The following PDE5A variants were observed in gnomAD, a reference collection of about 807,000 sequenced individuals.
The protein encoded by PDE5A is cGMP-specific 3',5'-cyclic phosphodiesterase.
A neutral mutation model predicts 110.2 loss-of-function variants in PDE5A; 67 were observed. That is an observed-to-expected ratio of 0.61 (90% CI 0.50 to 0.75). PDE5A has a LOEUF of 0.75. Among genes scored for constraint, PDE5A ranks in the 30% least tolerant of loss-of-function variants. PDE5A has a pLI of 0.00. For missense variants in PDE5A, 862 were observed against 1,045.1 expected (o/e 0.82, Z 2.42); for synonymous variants, 328 against 351.2 (o/e 0.93, Z 0.74).
At chr4:119,534,021 A>G (rs1014275581) in intron 11 of PDE5A, among the ~76,000 whole-genome samples, 1 of 152,180 alleles carries the variant, frequency 6.6e-6, no homozygotes, top group South Asian at 2.1e-4. Context: ...TAGTAAAATC[A>G]AATCAAAACA....
chr4:119,501,149 T>C, intron 20 of PDE5A, 21 bp downstream of exon 20: 3 of 1,431,092 alleles, frequency 2.1e-6, no homozygotes, highest in Non-Finnish European at 3.0e-6. Context: ...TTAGCAAGTC[T>C]AGTAGTTTTC....
At chr4:119,567,345 T>C (rs1347860239) in intron 3 of PDE5A, among the ~76,000 whole-genome samples, 3 of 152,184 alleles carry the variant, frequency 2.0e-5, no homozygotes, top group Non-Finnish European at 4.4e-5. Flanking sequence ...AGAATTCGAA[T>C]GTTTTTAATT....
chr4:119,517,115 G>A (rs928835561), intron 14 of PDE5A: 1 of 152,146 alleles, frequency 6.6e-6, no homozygotes, highest in African/African-American at 2.4e-5. Context: ...GGTAATTTCA[G>A]GGTAATTTTC....
intron 1 of PDE5A, among the ~76,000 whole-genome samples, chr4:119,622,173 CAAAA>C (rs11334790): frequency 1.5e-5 from 2 of 135,848 alleles, no homozygotes; most frequent in Non-Finnish European, 1.6e-5. Context: ...GACTCCATCT[CAAAA>C]AAAAAAAAAA....
At chr4:119,604,714 A>C (rs1315579693) in intron 2 of PDE5A, among the ~76,000 whole-genome samples, 1 of 152,128 alleles carries the variant, frequency 6.6e-6, no homozygotes, top group East Asian at 1.9e-4. Flanking sequence ...GGTATTACTC[A>C]CTAGTAGTAC....
Position 119,498,487 on chromosome 4 carries a change from G to T in PDE5A, c.*114C>A. The T allele has an allele frequency of 2.6e-6, 3 of 1,135,674 alleles. No individual in the cohort carries two copies. The highest frequency in any genetic ancestry group is 3.8e-6 in the Non-Finnish European group (3 of 796,388). The allele number at this position is 1,135,674 out of a possible 1,614,324, so 70.3% of individuals were successfully genotyped here. On this transcript the variant is annotated 3_prime_UTR_variant, in exon 21 of 21. Coordinates refer to ENST00000354960, the MANE Select transcript of PDE5A (RefSeq NM_001083.4). ...AAAGTTGTGCAAAAATAAAAATACAGCAGTGGCAAAGTATATACCAAATAC... is the reference window on the plus strand; with the variant it reads ...AAAGTTGTGCAAAAATAAAAATACATCAGTGGCAAAGTATATACCAAATAC...
chr4:119,606,306 GT>G (rs1553929965), intron 2 of PDE5A, among the ~76,000 whole-genome samples: 1 of 109,578 alleles, frequency 9.1e-6, no homozygotes, highest in Non-Finnish European at 2.0e-5. Flanking sequence ...GAGACTATGA[GT>G]TTTTTTTTGT....
chr4:119,623,771 T>C (rs1172916169), intron 1 of PDE5A, among the ~76,000 whole-genome samples: 1 of 152,190 alleles, frequency 6.6e-6, no homozygotes, highest in Non-Finnish European at 1.5e-5. Flanking sequence ...TTTCTACAGA[T>C]CATCAGATGA....
At chr4:119,502,531 TAAAA>T in intron 19 of PDE5A, 46 bp downstream of exon 19, 4 of 958,076 alleles carry the variant, frequency 4.2e-6, no homozygotes, top group East Asian at 2.8e-5. Context: ...AGTCTACAAT[TAAAA>T]AAAAAACAAT....
chr4:119,520,593 T>G (rs1354896641), intron 13 of PDE5A, among the ~76,000 whole-genome samples: 1 of 152,128 alleles, frequency 6.6e-6, no homozygotes, highest in Non-Finnish European at 1.5e-5. Flanking sequence ...AGGTTGAATG[T>G]GAACAAGAGA....
In PDE5A at chr4:119,628,754, G is replaced by C. The variant is rs748596664; in HGVS notation, c.-83C>G. 1.3e-6 allele frequency: 2 copies of C among 1,553,664 alleles called. No homozygotes were observed. Among genetic ancestry groups the C allele is most frequent in the African/African-American group, 1.4e-5 (1 of 73,796 alleles). ...TCCGTCCCTCAGAAGAACAGGACTC[G>C]GCCTCGAGACCCTCCCCCTTCGTCC... On this transcript the variant is annotated 5_prime_UTR_variant, in exon 1 of 21. Coordinates refer to ENST00000354960, the MANE Select transcript of PDE5A (RefSeq NM_001083.4).
intron 11 of PDE5A, among the ~76,000 whole-genome samples, chr4:119,533,121 G>T (rs1316415384): frequency 6.6e-6 from 1 of 151,976 alleles, no homozygotes; most frequent in Non-Finnish European, 1.5e-5. Flanking sequence ...TTGCTCCTTG[G>T]TATTTATTCA....
chr4:119,574,554 G>T (rs1286576598), intron 3 of PDE5A, among the ~76,000 whole-genome samples: 1 of 151,964 alleles, frequency 6.6e-6, no homozygotes, highest in African/African-American at 2.4e-5. Context: ...ACATACTAAC[G>T]CTTAGTCTTT....
intron 18 of PDE5A, 106 bp from the exon 19 acceptor site, chr4:119,502,761 A>T (rs896513071): frequency 2.9e-6 from 2 of 693,320 alleles, no homozygotes; most frequent in African/African-American, 1.8e-5. Flanking sequence ...TCCATTTTAT[A>T]GCAAATAAGC....
intron 1 of PDE5A, among the ~76,000 whole-genome samples, chr4:119,608,802 A>G (rs1337545168): frequency 1.3e-5 from 2 of 152,150 alleles, no homozygotes; most frequent in African/African-American, 4.8e-5. Context: ...AAGTTTGACA[A>G]TGTACTATTT....
chr4:119,547,125 T>TTA (rs1727158915), intron 9 of PDE5A, among the ~76,000 whole-genome samples: 2 of 145,614 alleles, frequency 1.4e-5, no homozygotes, highest in Non-Finnish European at 1.5e-5. Flanking sequence ...TTTTTTTTTT[T>TTA]AAATAACAAA....
chr4:119,523,629 T>G (rs1726206528), intron 12 of PDE5A, among the ~76,000 whole-genome samples: 1 of 152,068 alleles, frequency 6.6e-6, no homozygotes, highest in Admixed American at 6.6e-5. Flanking sequence ...AATATTTTCC[T>G]CATGGATAAA....
At chr4:119,597,064 T>A (rs972969993) in intron 2 of PDE5A, among the ~76,000 whole-genome samples, 1 of 152,108 alleles carries the variant, frequency 6.6e-6, no homozygotes, top group Admixed American at 6.6e-5. Flanking sequence ...CTATCTCAAG[T>A]ATTCCTAAGA....
chr4:119,502,328 ATACT>A (rs1037162800), intron 19 of PDE5A: 15 of 297,304 alleles, frequency 5.0e-5, no homozygotes, highest in Admixed American at 9.2e-5. Flanking sequence ...GTGGTTTCTA[ATACT>A]TAAGCGGAAA....
Sources: allele counts gnomAD v4.1 joint callset (sites outside exome capture counted in the v4.1 genomes callset), GRCh38; gene constraint gnomAD v4.1.1; transcripts MANE v1.5; gene names NCBI Gene and HGNC (gene_info 2026-07-23, HGNC 2026-07-21).